RBMS3: variants seen among roughly 807,000 people sequenced by gnomAD.
RBMS3 encodes the protein RNA binding motif single stranded interacting protein 3.
A neutral mutation model predicts 66.8 loss-of-function variants in RBMS3; 27 were observed. That is an observed-to-expected ratio of 0.40 (90% CI 0.30 to 0.56). The LOEUF (loss-of-function observed/expected upper bound fraction) is 0.56, where lower values mean the gene tolerates loss of function less well. Ranked by LOEUF, RBMS3 falls within the 20% of genes least tolerant of loss-of-function variation. The pLI is 0.40. For missense variants in RBMS3, 513 were observed against 549.5 expected (o/e 0.93, Z 0.66); for synonymous variants, 188 against 183.0 (o/e 1.03, Z -0.22).
chr3:29,320,596 G>T (rs960828761), intron 1 of RBMS3, among the ~76,000 whole-genome samples: 9 of 152,030 alleles, frequency 5.9e-5, no homozygotes, highest in African/African-American at 2.2e-4. Flanking sequence ...ACTTACAGAG[G>T]AATATTTTTA....
chr3:29,726,950 AC>A (rs1372398092), intron 4 of RBMS3, among the ~76,000 whole-genome samples: 1 of 152,178 alleles, frequency 6.6e-6, no homozygotes, highest in Non-Finnish European at 1.5e-5. Flanking sequence ...GCATCACAAT[AC>A]CCGACTTTAA....
Position 30,009,069 on chromosome 3 carries a change from C to CACTT in RBMS3, c.*5209_*5212dup, listed in dbSNP as rs1318173663. 5 of 151,960 alleles carry CACTT rather than the reference C, an allele frequency of 3.3e-5. No individual in the cohort carries two copies. Among genetic ancestry groups the CACTT allele is most frequent in the African/African-American group, 1.2e-4 (5 of 41,372 alleles). The allele number at this position is 151,960 out of a possible 1,614,324, so 9.4% of individuals were successfully genotyped here. A position where few individuals can be genotyped will look rare whatever the true frequency, so the allele number is the denominator to read the frequency against. On this transcript the variant is annotated 3_prime_UTR_variant, in exon 15 of 15. Transcript: ENST00000383767. ...ATAATATATCAAGAAAATTTTCTTC[C>CACTT]ACTTAGAAAGCTTTAAAGCTGAAGT... is the stretch of plus-strand genomic sequence containing the variant.
chr3:29,968,104 G>C (rs1172744392), intron 12 of RBMS3, among the ~76,000 whole-genome samples: 1 of 152,084 alleles, frequency 6.6e-6, no homozygotes, highest in Non-Finnish European at 1.5e-5. Context: ...TAGGCATTTA[G>C]GGCTTGATCT....
In RBMS3 at chr3:29,867,388, A is replaced by G. The variant is rs562930325; in HGVS notation, c.638-1470A>G. On this transcript the variant is annotated intron_variant, in intron 6 of 14. Transcript: ENST00000383767. Reference sequence around the variant, plus strand: ...CACATTGGTGTGGTGGGCTCAGTTTATATCACCTAGGCTTATATATTTTTT... The same window carrying G: ...CACATTGGTGTGGTGGGCTCAGTTTGTATCACCTAGGCTTATATATTTTTT... Among the ~76,000 whole-genome samples the G allele has an allele frequency of 4.0e-5, 6 of 150,342 alleles. No homozygotes were observed. The Admixed American group carries it at 4.0e-4, about 10-fold the overall frequency.
At chr3:29,815,912 C>G (rs2057877427) in intron 6 of RBMS3, among the ~76,000 whole-genome samples, 2 of 150,904 alleles carry the variant, frequency 1.3e-5, no homozygotes, top group African/African-American at 4.9e-5. Context: ...AACCGAAAAG[C>G]ACCTGTACTC....
intron 3 of RBMS3, among the ~76,000 whole-genome samples, chr3:29,510,974 C>A (rs888944241): frequency 6.6e-6 from 1 of 152,156 alleles, no homozygotes; most frequent in African/African-American, 2.4e-5. Context: ...GAAAATCTTT[C>A]AACAGATGCC....
intron 4 of RBMS3, among the ~76,000 whole-genome samples, chr3:29,648,116 C>G (rs975961584): frequency 6.6e-6 from 1 of 152,056 alleles, no homozygotes; most frequent in African/African-American, 2.4e-5. Context: ...ATCTTAAACC[C>G]TGATGTTGTC....
chr3:29,690,098 A>G (rs2051913403), intron 4 of RBMS3, among the ~76,000 whole-genome samples: 2 of 151,796 alleles, frequency 1.3e-5, no homozygotes, highest in Admixed American at 1.3e-4. Flanking sequence ...CTCACAATAT[A>G]TAGAATAATA....
chr3:29,611,487 G>A (rs773849363), intron 4 of RBMS3, among the ~76,000 whole-genome samples: 9 of 151,800 alleles, frequency 5.9e-5, no homozygotes. Flanking sequence ...AAATGACTGG[G>A]TATTTGGATG....
chr3:29,936,101 C>A lies in RBMS3; in HGVS notation c.955C>A (p.Pro319Thr), dbSNP rs149868051. 2 of 1,612,906 alleles carry A rather than the reference C, an allele frequency of 1.2e-6. No individual in the cohort carries two copies. The highest frequency in any genetic ancestry group is 8.5e-7 in the Non-Finnish European group (1 of 1,179,388). ...ATGCTTGTAGGGTGCTGTGATTACA[C>A]CAACCATGGACCATCCCATGTCAAT... ...VMQPTGAVIT[P>T]TMDHPMSMQP... Residue 319 changes from proline (P) to threonine (T), a missense_variant, in exon 11 of 15, where the codon CCA becomes ACA. Physicochemically the swap from Pro to Thr is conservative, Grantham distance 38. Coordinates refer to ENST00000383767, the MANE Select transcript of RBMS3 (RefSeq NM_001003793.3).
At chr3:29,537,175 G>C (rs1300883509) in intron 3 of RBMS3, among the ~76,000 whole-genome samples, 1 of 152,064 alleles carries the variant, frequency 6.6e-6, no homozygotes, top group Admixed American at 6.6e-5. Flanking sequence ...GGTAAAAAAG[G>C]TAAAACTGAC....
chr3:29,807,989 A>C (rs1252293033), intron 6 of RBMS3, among the ~76,000 whole-genome samples: 1 of 151,910 alleles, frequency 6.6e-6, no homozygotes. Flanking sequence ...TGTTAACAAA[A>C]TTTGAGTCAA....
intron 6 of RBMS3, among the ~76,000 whole-genome samples, chr3:29,819,712 T>C (rs570172643): frequency 5.1e-4 from 78 of 152,278 alleles, no homozygotes; most frequent in African/African-American, 1.8e-3. Context: ...TGCAAAAGAT[T>C]CTCTGTGGTA....
In RBMS3 at chr3:29,890,273, A is replaced by T. The variant is rs562856691; in HGVS notation, c.791+6065A>T. 1.4e-4 allele frequency among the ~76,000 whole-genome samples: 22 copies of T among 151,798 alleles called. 1 individual carries two copies. The South Asian group carries it at 1.7e-3, about 11-fold the overall frequency. On this transcript the variant is annotated intron_variant, in intron 8 of 14. Transcript: ENST00000383767. ...CTGTTTCTTGAGTTAACATTGGGAC[A>T]TGCCTTTTAGAGGTGTGGAAGCTGA...
intron 4 of RBMS3, among the ~76,000 whole-genome samples, chr3:29,587,522 C>A (rs540307929): frequency 2.0e-5 from 3 of 151,346 alleles, no homozygotes; most frequent in Non-Finnish European, 4.4e-5. Context: ...TAAGGACACT[C>A]GTGAAGTGCT....
chr3:29,991,325 G>T, intron 14 of RBMS3, 116 bp downstream of exon 14: 3 of 1,510,724 alleles, frequency 2.0e-6, no homozygotes, highest in Non-Finnish European at 2.7e-6. Flanking sequence ...CTTAGCAACA[G>T]GCATTTATTT....
intron 11 of RBMS3, among the ~76,000 whole-genome samples, chr3:29,937,540 C>A (rs2061298036): frequency 6.6e-6 from 1 of 151,852 alleles, no homozygotes; most frequent in African/African-American, 2.4e-5. Context: ...CACATTCTTT[C>A]AATAAAGAAA....
At chr3:29,504,806 C>T (rs1222240728) in intron 3 of RBMS3, among the ~76,000 whole-genome samples, 2 of 151,938 alleles carry the variant, frequency 1.3e-5, no homozygotes, top group Admixed American at 6.6e-5. Flanking sequence ...GTTGATAGCT[C>T]ATTGTGGATT....
intron 1 of RBMS3, among the ~76,000 whole-genome samples, chr3:29,408,761 A>C (rs2040138154): frequency 6.6e-6 from 1 of 152,188 alleles, no homozygotes; most frequent in Admixed American, 6.5e-5. Context: ...TTTTCGTCAG[A>C]ATATGTACAA....
Sources: gnomAD v4.1 joint callset for allele counts (sites outside exome capture counted in the v4.1 genomes callset) on GRCh38, gnomAD v4.1.1 for gene constraint, MANE v1.5 for transcripts, NCBI Gene and HGNC (gene_info 2026-07-23, HGNC 2026-07-21) for gene names.